INVS: variants seen among roughly 807,000 people sequenced by gnomAD.
INVS encodes the protein inversin, also known as inversion of embryo turning homolog.
A neutral mutation model predicts 108.8 loss-of-function variants in INVS; 86 were observed. The ratio of observed to expected loss-of-function variants is 0.79; its 90% confidence interval spans 0.66 to 0.95. INVS has a LOEUF of 0.95. INVS is among the 40% of genes least tolerant of loss of function. The probability of loss-of-function intolerance (pLI) is 0.00; values close to 1 mark genes in which losing one functional copy is unlikely to be tolerated. For synonymous variants in INVS, 455 were observed against 473.5 expected, an observed-to-expected ratio of 0.96 and a Z score of 0.51; for missense variants, 1,169 against 1,297.4, an observed-to-expected ratio of 0.90 and a Z score of 1.52.
chr9:100,149,121 A>C (rs1828723974), intron 3 of INVS, among the ~76,000 whole-genome samples: 1 of 151,870 alleles, frequency 6.6e-6, no homozygotes, highest in African/African-American at 2.4e-5. Flanking sequence ...TTTTCAGTGG[A>C]TACTACTAGG....
chr9:100,161,188 C>T (rs1829163385), intron 3 of INVS, among the ~76,000 whole-genome samples: 1 of 150,998 alleles, frequency 6.6e-6, no homozygotes, highest in African/African-American at 2.4e-5. Context: ...CCAGTCTGGC[C>T]AACATGGTGA....
At chr9:100,247,720 A>T (rs144102173) in intron 8 of INVS, among the ~76,000 whole-genome samples, 1 of 152,218 alleles carries the variant, frequency 6.6e-6, no homozygotes, top group Admixed American at 6.5e-5. Context: ...CTCAAAAAAA[A>T]ATATTTTAAG....
At chr9:100,119,329 T>G (rs1827651407) in intron 2 of INVS, among the ~76,000 whole-genome samples, 1 of 152,252 alleles carries the variant, frequency 6.6e-6, no homozygotes, top group Non-Finnish European at 1.5e-5. Flanking sequence ...GAATTTAATT[T>G]AATTTTTTAA....
chr9:100,220,965 ACT>A (rs1014657685), intron 3 of INVS, among the ~76,000 whole-genome samples: 1 of 125,296 alleles, frequency 8.0e-6, no homozygotes, highest in African/African-American at 3.2e-5. Flanking sequence ...ACAGAGCAAG[ACT>A]CTGTCCCAAA....
intron 15 of INVS, 35 bp downstream of exon 15, chr9:100,297,181 G>T: frequency 1.3e-6 from 2 of 1,534,006 alleles, no homozygotes; most frequent in Non-Finnish European, 1.8e-6. Flanking sequence ...TAGTTCACAA[G>T]TACCCCCAGA....
chr9:100,161,364 CAAAAAAAAAAA>C (rs35392930), intron 3 of INVS, among the ~76,000 whole-genome samples: 2 of 12,370 alleles, frequency 1.6e-4, no homozygotes, highest in Non-Finnish European at 3.2e-4. Context: ...ACTTCCATCT[CAAAAAAAAAAA>C]AAAAAAAAAA....
intron 3 of INVS, among the ~76,000 whole-genome samples, chr9:100,188,627 GTTTC>G (rs1830124126): frequency 1.4e-5 from 2 of 143,152 alleles, no homozygotes; most frequent in Non-Finnish European, 3.0e-5. Flanking sequence ...TTGGTCTGTA[GTTTC>G]TTTCTTTTTT....
intron 10 of INVS, among the ~76,000 whole-genome samples, chr9:100,254,135 G>A (rs1339035589): frequency 3.3e-5 from 5 of 152,104 alleles, no homozygotes; most frequent in African/African-American, 9.7e-5. Context: ...GTATCTCATT[G>A]TGGTTTTGAT....
At chr9:100,099,963 G>C (rs965430957) in intron 1 of INVS, among the ~76,000 whole-genome samples, 1 of 152,164 alleles carries the variant, frequency 6.6e-6, no homozygotes, top group African/African-American at 2.4e-5. Flanking sequence ...TCTCTCTCTG[G>C]AATGCTATCT....
At chr9:100,224,420 C>A in intron 3 of INVS, among the ~76,000 whole-genome samples, 1 of 152,092 alleles carries the variant, frequency 6.6e-6, no homozygotes, top group Non-Finnish European at 1.5e-5. Context: ...TCACACTGAC[C>A]TTGAAATATC....
chr9:100,220,561 G>A (rs1831114678), intron 3 of INVS, among the ~76,000 whole-genome samples: 1 of 152,110 alleles, frequency 6.6e-6, no homozygotes, highest in Admixed American at 6.5e-5. Context: ...GTTTTCTTAA[G>A]TATATATCCT....
At chr9:100,124,133 C>T (rs758762702) in intron 2 of INVS, among the ~76,000 whole-genome samples, 14 of 151,016 alleles carry the variant, frequency 9.3e-5, no homozygotes, top group Non-Finnish European at 2.1e-4. Flanking sequence ...AAATAAATCT[C>T]TTTGTATAGT....
At chr9:100,238,791 T>C (rs1330474359) in intron 5 of INVS, among the ~76,000 whole-genome samples, 1 of 152,234 alleles carries the variant, frequency 6.6e-6, no homozygotes, top group African/African-American at 2.4e-5. Flanking sequence ...TTCTATTTGG[T>C]TCTTTTTCAA....
At chr9:100,240,037 A>C (rs746795638) in intron 5 of INVS, 23 bp from the exon 6 acceptor site, 12 of 1,604,252 alleles carry the variant, frequency 7.5e-6, no homozygotes, top group Non-Finnish European at 1.0e-5. Flanking sequence ...GTATGTCTGA[A>C]GTCTCTGGTT....
chr9:100,297,171 T>TA (rs1328951992), intron 15 of INVS, 25 bp downstream of exon 15: 15 of 1,581,396 alleles, frequency 9.5e-6, no homozygotes, highest in African/African-American at 2.7e-5. Context: ...GCCTACTTTG[T>TA]AGTTCACAAG....
At chr9:100,250,232 T>C (rs183851373) in intron 8 of INVS, among the ~76,000 whole-genome samples, 4 of 152,330 alleles carry the variant, frequency 2.6e-5, no homozygotes, top group Admixed American at 6.5e-5. Flanking sequence ...TTCAAACACA[T>C]TCAAAAGTAG....
At chr9:100,297,471 G>A (rs1203564977) in intron 15 of INVS, among the ~76,000 whole-genome samples, 1 of 152,042 alleles carries the variant, frequency 6.6e-6, no homozygotes, top group African/African-American at 2.4e-5. Context: ...TCTCCTCCTT[G>A]CATTACCCAT....
chr9:100,144,920 TA>T (rs534247121), intron 3 of INVS, among the ~76,000 whole-genome samples: 241 of 152,198 alleles, frequency 1.6e-3, no homozygotes, highest in Non-Finnish European at 2.5e-3. Context: ...GAACAACGTG[TA>T]GAAGAATGCC....
rs59853701 is a variant in INVS, at chr9:100,226,810, CAAAAAAAAA to C, written c.447+592_447+600del. ...CCTGGGTGACAGAGTGAGACTGTCT[CAAAAAAAAA>C]AAAAAAAAAAAAAAAATCAGTCCTG... On this transcript the variant is annotated intron_variant, in intron 4 of 16. Coordinates refer to ENST00000262457, the MANE Select transcript of INVS (RefSeq NM_014425.5). Among the ~76,000 whole-genome samples, 9 of 78,798 alleles carry C rather than the reference CAAAAAAAAA, an allele frequency of 1.1e-4. No homozygotes were observed. The Admixed American group carries it at 1.3e-3, about 11-fold the overall frequency. The allele number at this position is 78,798 out of a possible 152,430, so 51.7% of individuals were successfully genotyped here.
Sources: allele counts gnomAD v4.1 joint callset (sites outside exome capture counted in the v4.1 genomes callset), GRCh38; gene constraint gnomAD v4.1.1; transcripts MANE v1.5; gene names NCBI Gene and HGNC (gene_info 2026-07-23, HGNC 2026-07-21).